The following SLC30A8 variants were observed in gnomAD, a reference collection of about 807,000 sequenced individuals.
SLC30A8 encodes solute carrier family 30 member 8, also known as proton-coupled zinc antiporter SLC30A8.
A neutral mutation model predicts 36.9 loss-of-function variants in SLC30A8; 27 were observed. That is an observed-to-expected ratio of 0.73 (90% CI 0.54 to 1.01). The LOEUF is 1.01. Ranked by LOEUF, SLC30A8 falls within the 50% of genes least tolerant of loss-of-function variation. The probability of loss-of-function intolerance (pLI) is 0.00; values close to 1 mark genes in which losing one functional copy is unlikely to be tolerated. For missense variants in SLC30A8, 439 were observed against 452.0 expected (o/e 0.97, Z 0.26); for synonymous variants, 164 against 172.4 (o/e 0.95, Z 0.38).
Position 116,987,530 on chromosome 8 carries a change from C to T in SLC30A8, c.-266+36411C>T, listed in dbSNP as rs111385560. Among the ~76,000 whole-genome samples the T allele has an allele frequency of 2.0e-3, 308 of 152,008 alleles. 1 individual carries two copies. The highest frequency in any genetic ancestry group is 6.9e-3 in the African/African-American group (284 of 41,452). ...ATTTAATTCTACATCTGTTAAGTCT[C>T]TATATTCTTCTTTCAAGTCTTGAAT... On this transcript the variant is annotated intron_variant, in intron 1 of 10. Coordinates refer to the SLC30A8 transcript ENST00000427715.
chr8:116,953,733 CT>C (rs935183199), intron 1 of SLC30A8, among the ~76,000 whole-genome samples: 2 of 152,106 alleles, frequency 1.3e-5, no homozygotes, highest in Admixed American at 6.5e-5. Flanking sequence ...TTTCTATCAA[CT>C]TTTTTTCTTC....
At chr8:117,142,649 G>T (rs558589495) in intron 1 of SLC30A8, among the ~76,000 whole-genome samples, 116 of 152,080 alleles carry the variant, frequency 7.6e-4, no homozygotes, top group African/African-American at 2.7e-3. Context: ...CCTCTACTTG[G>T]GATAGCCTTC....
intron 1 of SLC30A8, among the ~76,000 whole-genome samples, chr8:116,972,812 T>C (rs1814836473): frequency 6.6e-6 from 1 of 152,166 alleles, no homozygotes; most frequent in Non-Finnish European, 1.5e-5. Context: ...GGACCACGAA[T>C]TGTTCACAAT....
intron 2 of SLC30A8, among the ~76,000 whole-genome samples, chr8:117,100,465 C>T (rs996899828): frequency 3.3e-5 from 5 of 152,164 alleles, no homozygotes; most frequent in African/African-American, 1.2e-4. Flanking sequence ...CAACACAAGC[C>T]TGCCCTCCTA....
intron 1 of SLC30A8, among the ~76,000 whole-genome samples, chr8:116,974,009 C>T (rs1814887012): frequency 2.0e-5 from 3 of 152,136 alleles, no homozygotes; most frequent in South Asian, 4.1e-4. Flanking sequence ...AAACTGGATC[C>T]CTTCCTTACA....
chr8:116,991,447 G>T (rs990674163), intron 1 of SLC30A8, among the ~76,000 whole-genome samples: 8 of 152,040 alleles, frequency 5.3e-5, no homozygotes, highest in Non-Finnish European at 8.8e-5. Context: ...TAGGATTACA[G>T]GCACCCGCCA....
At chr8:116,981,763 CT>C (rs957846186) in intron 1 of SLC30A8, among the ~76,000 whole-genome samples, 9 of 152,140 alleles carry the variant, frequency 5.9e-5, no homozygotes, top group African/African-American at 2.2e-4. Flanking sequence ...TTTTTTATGG[CT>C]GTGTAGTATT....
intron 2 of SLC30A8, among the ~76,000 whole-genome samples, chr8:117,121,391 A>G (rs1019237886): frequency 5.9e-5 from 9 of 151,990 alleles, no homozygotes; most frequent in Non-Finnish European, 1.0e-4. Flanking sequence ...CTGATACACA[A>G]CAGAAATCTA....
chr8:117,145,771 G>A (rs1821867672), intron 1 of SLC30A8, among the ~76,000 whole-genome samples: 1 of 152,044 alleles, frequency 6.6e-6, no homozygotes, highest in Admixed American at 6.6e-5. Flanking sequence ...AAATTTCCTG[G>A]ATATTTGACC....
chr8:116,989,753 C>T (rs1053381092), intron 1 of SLC30A8, among the ~76,000 whole-genome samples: 10 of 152,158 alleles, frequency 6.6e-5, no homozygotes, highest in Non-Finnish European at 1.0e-4. Context: ...TCAGTCTCTA[C>T]TCTGAGGATG....
chr8:116,964,010 T>A (rs539007132), intron 1 of SLC30A8, among the ~76,000 whole-genome samples: 1 of 152,354 alleles, frequency 6.6e-6, no homozygotes, highest in African/African-American at 2.4e-5. Context: ...AGCCTTTATA[T>A]AAATTAAAGG....
At chr8:117,097,757 A>G (rs185399482) in intron 2 of SLC30A8, among the ~76,000 whole-genome samples, 11 of 43,390 alleles carry the variant, frequency 2.5e-4, no homozygotes, top group African/African-American at 9.3e-4. Context: ...TATATATTAT[A>G]TATAATATAT....
At chr8:117,098,170 C>T (rs1819545252) in intron 2 of SLC30A8, among the ~76,000 whole-genome samples, 1 of 149,290 alleles carries the variant, frequency 6.7e-6, no homozygotes, top group Non-Finnish European at 1.5e-5. Flanking sequence ...AAAATTCGAA[C>T]ATTTAGTCAA....
chr8:116,984,039 T>C (rs1298423824), intron 1 of SLC30A8, among the ~76,000 whole-genome samples: 1 of 152,168 alleles, frequency 6.6e-6, no homozygotes, highest in Non-Finnish European at 1.5e-5. Context: ...TTATACATTT[T>C]TATAATTTTT....
chr8:117,131,658 T>G (rs1231462549), upstream of SLC30A8, among the ~76,000 whole-genome samples: 2 of 152,010 alleles, frequency 1.3e-5, no homozygotes, highest in Non-Finnish European at 2.9e-5. Flanking sequence ...GGATGCTTCA[T>G]TCACAGGTAA....
upstream of SLC30A8, among the ~76,000 whole-genome samples, chr8:117,130,519 CTATTAT>C (rs148782579): frequency 1.3e-4 from 20 of 151,616 alleles, no homozygotes; most frequent in Admixed American, 3.3e-4. Context: ...CAAGAGGGCT[CTATTAT>C]TATTATTATT....
chr8:116,971,364 C>T (rs1402779254), intron 1 of SLC30A8, among the ~76,000 whole-genome samples: 2 of 151,654 alleles, frequency 1.3e-5, no homozygotes, highest in East Asian at 3.9e-4. Context: ...AAATGGTGTA[C>T]GTATTTCCTC....
intron 2 of SLC30A8, among the ~76,000 whole-genome samples, chr8:117,109,375 G>A (rs984902155): frequency 6.6e-6 from 1 of 152,164 alleles, no homozygotes; most frequent in Non-Finnish European, 1.5e-5. Context: ...AAAAGTTGAG[G>A]CTCAGTATGG....
intron 2 of SLC30A8, among the ~76,000 whole-genome samples, chr8:117,098,217 G>A (rs1429122863): frequency 1.3e-5 from 2 of 150,850 alleles, no homozygotes. Context: ...TTAAGGTGAC[G>A]GTCATCTCAT....
Sources: allele counts gnomAD v4.1 joint callset (sites outside exome capture counted in the v4.1 genomes callset), GRCh38; gene constraint gnomAD v4.1.1; transcripts MANE v1.5; gene names NCBI Gene and HGNC (gene_info 2026-07-23, HGNC 2026-07-21).